Variants in SPOCK1 observed in about 807,000 individuals in gnomAD.
The protein encoded by SPOCK1 is SPARC (osteonectin), cwcv and kazal like domains proteoglycan 1, also known as testican-1.
Under a neutral mutation model 55.3 loss-of-function variants are expected in SPOCK1, and 23 were observed. The ratio of observed to expected loss-of-function variants is 0.42; its 90% CI spans 0.30 to 0.59. The LOEUF is 0.59. SPOCK1 is among the 20% of genes least tolerant of loss of function. The pLI is 0.22. For missense variants in SPOCK1, 499 were observed against 552.5 expected, an observed-to-expected ratio of 0.90 and a Z score of 0.97; for synonymous variants, 226 against 221.0, an observed-to-expected ratio of 1.02 and a Z score of -0.20.
chr5:136,998,551 A>G lies in SPOCK1; in HGVS notation c.590-5951T>C, dbSNP rs1751090537. On this transcript the variant is annotated intron_variant, in intron 6 of 10. Coordinates refer to ENST00000394945, the MANE Select transcript of SPOCK1 (RefSeq NM_004598.4). ...GATATATTGGTCTTGTGGGCAGCCA[A>G]TACTAACCTAACAATTAATATACTT... 2.0e-5 allele frequency among the ~76,000 whole-genome samples: 3 copies of G among 152,200 alleles called. No homozygotes were observed. In the South Asian group the frequency reaches 6.2e-4, roughly 31 times the overall value.
intron 3 of SPOCK1, among the ~76,000 whole-genome samples, chr5:137,236,366 A>G (rs1001461037): frequency 6.6e-6 from 1 of 152,210 alleles, no homozygotes; most frequent in African/African-American, 2.4e-5. Flanking sequence ...AGTGAATGGG[A>G]GCTCTTTTCA....
intron 4 of SPOCK1, among the ~76,000 whole-genome samples, chr5:137,133,713 C>T (rs916210423): frequency 1.3e-5 from 2 of 151,836 alleles, no homozygotes; most frequent in Non-Finnish European, 2.9e-5. Flanking sequence ...AAGAGAGAGG[C>T]GATTGTGGGT....
chr5:137,354,908 T>C (rs1429859237), intron 2 of SPOCK1, among the ~76,000 whole-genome samples: 1 of 152,144 alleles, frequency 6.6e-6, no homozygotes, highest in Non-Finnish European at 1.5e-5. Context: ...TTTTGTTTTT[T>C]TTTGTTTTTT....
intron 3 of SPOCK1, among the ~76,000 whole-genome samples, chr5:137,238,362 C>T (rs952724510): frequency 3.3e-5 from 5 of 152,188 alleles, no homozygotes; most frequent in African/African-American, 9.7e-5. Context: ...TTCCTTTATG[C>T]TAAACATGCT....
At chr5:137,420,534 A>G (rs1211226222) in intron 2 of SPOCK1, among the ~76,000 whole-genome samples, 1 of 152,110 alleles carries the variant, frequency 6.6e-6, no homozygotes, top group Admixed American at 6.5e-5. Flanking sequence ...GGGAGTTTGT[A>G]TGTGTCTAGG....
At chr5:137,315,202 TC>T (rs1397141368) in intron 2 of SPOCK1, among the ~76,000 whole-genome samples, 1 of 152,172 alleles carries the variant, frequency 6.6e-6, no homozygotes, top group Non-Finnish European at 1.5e-5. Context: ...TAGGAAGCCT[TC>T]CAAGGTTCAC....
intron 3 of SPOCK1, among the ~76,000 whole-genome samples, chr5:137,200,996 C>A (rs568270226): frequency 6.6e-5 from 10 of 152,244 alleles, no homozygotes; most frequent in African/African-American, 2.4e-4. Context: ...ACAACACAGC[C>A]GGGGATTTGT....
At chr5:137,286,420 G>A (rs1254883917) in intron 2 of SPOCK1, among the ~76,000 whole-genome samples, 2 of 152,262 alleles carry the variant, frequency 1.3e-5, no homozygotes, top group African/African-American at 2.4e-5. Flanking sequence ...TAGGTCACTC[G>A]CTGAACAAGA....
At chr5:137,352,154 G>A (rs914913998) in intron 2 of SPOCK1, among the ~76,000 whole-genome samples, 8 of 152,220 alleles carry the variant, frequency 5.3e-5, no homozygotes, top group Admixed American at 6.5e-5. Context: ...GAAGGCTTGA[G>A]AAAATTGTAG....
At chr5:136,998,310 G>A (rs1289167510) in intron 6 of SPOCK1, among the ~76,000 whole-genome samples, 1 of 152,230 alleles carries the variant, frequency 6.6e-6, no homozygotes, top group Non-Finnish European at 1.5e-5. Flanking sequence ...AGGATTGGGA[G>A]ATTGGTCTGA....
At chr5:137,029,071 C>T (rs146777901) in intron 6 of SPOCK1, among the ~76,000 whole-genome samples, 100 of 152,212 alleles carry the variant, frequency 6.6e-4, no homozygotes, top group African/African-American at 2.4e-3. Context: ...CTAACAAGCA[C>T]GAATTATAAT....
chr5:137,322,325 G>T (rs1757994630), intron 2 of SPOCK1, among the ~76,000 whole-genome samples: 1 of 93,840 alleles, frequency 1.1e-5, no homozygotes, highest in Non-Finnish European at 2.3e-5. Flanking sequence ...AGAGTGAGAT[G>T]CTGTCTCAAG....
At chr5:137,226,883 G>A (rs114186622) in intron 3 of SPOCK1, among the ~76,000 whole-genome samples, 4,260 of 152,282 alleles carry the variant, frequency 0.028, 83 homozygotes, top group Non-Finnish European at 0.042. Context: ...TATAAGCTTT[G>A]TGAGGCCAAG....
chr5:137,423,301 C>T (rs936049692), intron 2 of SPOCK1, among the ~76,000 whole-genome samples: 3 of 152,210 alleles, frequency 2.0e-5, no homozygotes, highest in African/African-American at 7.2e-5. Context: ...AACCACTACT[C>T]TCTTCAAAGC....
intron 6 of SPOCK1, among the ~76,000 whole-genome samples, chr5:137,004,519 G>T (rs564678508): frequency 1.3e-5 from 2 of 152,064 alleles, no homozygotes; most frequent in African/African-American, 4.8e-5. Context: ...AGAGAGGATC[G>T]TGTGACTGGC....
chr5:137,333,667 G>C (rs752094015), intron 2 of SPOCK1, among the ~76,000 whole-genome samples: 11 of 152,316 alleles, frequency 7.2e-5, no homozygotes, highest in Non-Finnish European at 1.3e-4. Context: ...CTCAGGCACT[G>C]GTACTTGGCA....
chr5:137,076,192 C>T (rs7734623), intron 5 of SPOCK1, among the ~76,000 whole-genome samples: 10 of 152,268 alleles, frequency 6.6e-5, no homozygotes, highest in East Asian at 5.8e-4. Context: ...TCCCCTCTTC[C>T]GAACGGGGCT....
chr5:137,461,421 C>G (rs747940871), intron 2 of SPOCK1, among the ~76,000 whole-genome samples: 5 of 152,216 alleles, frequency 3.3e-5, no homozygotes, highest in Non-Finnish European at 7.3e-5. Flanking sequence ...GCTGAACACA[C>G]AGTCAGTGAG....
chr5:137,146,423 A>G (rs1259077252), intron 3 of SPOCK1, among the ~76,000 whole-genome samples: 1 of 152,214 alleles, frequency 6.6e-6, no homozygotes, highest in Non-Finnish European at 1.5e-5. Flanking sequence ...TCCACCAGTT[A>G]AAGATGCCTT....
Sources: gnomAD v4.1 joint callset for allele counts (sites outside exome capture counted in the v4.1 genomes callset) on GRCh38, gnomAD v4.1.1 for gene constraint, MANE v1.5 for transcripts, NCBI Gene and HGNC (gene_info 2026-07-23, HGNC 2026-07-21) for gene names.